The following STS variants were observed in gnomAD, a reference collection of about 807,000 sequenced individuals.
STS encodes the protein steryl-sulfatase.
In STS, 7 loss-of-function variants were observed where a neutral mutation model predicts 26.8. That is an observed-to-expected ratio of 0.26 (90% CI 0.15 to 0.49). The LOEUF is 0.49. STS is among the 20% of genes least tolerant of loss of function. The pLI, the probability that STS is intolerant of heterozygous loss-of-function variation, is 0.98. For synonymous variants in STS, 199 were observed against 189.4 expected (o/e 1.05, Z -0.42); for missense variants, 434 against 465.6 (o/e 0.93, Z 0.63).
chrX:7,177,313 C>T (rs1327561848), intron 1 of STS, among the ~76,000 whole-genome samples: 5 of 110,546 alleles, frequency 4.5e-5, no homozygotes, highest in African/African-American at 9.9e-5. Context: ...ATTAATAATG[C>T]GTAGCATTGT....
chrX:7,318,504 A>T (rs1446850623), intron 8 of STS, among the ~76,000 whole-genome samples: 1 of 111,751 alleles, frequency 8.9e-6, no homozygotes, highest in African/African-American at 3.3e-5. Flanking sequence ...AAAAAATTTT[A>T]AAACATTTTT....
At chrX:7,247,525 A>G (rs1347642837) in intron 2 of STS, among the ~76,000 whole-genome samples, 1 of 112,466 alleles carries the variant, frequency 8.9e-6, no homozygotes. Flanking sequence ...GAACAACTGT[A>G]TAGGATGTTG....
intron 1 of STS, among the ~76,000 whole-genome samples, chrX:7,153,579 A>C (rs1197040776): frequency 9.4e-5 from 5 of 53,109 alleles, no homozygotes; most frequent in Admixed American, 2.8e-4. Context: ...CTCCTCCGTG[A>C]CTCCCTCACT....
At chrX:7,206,396 C>G (rs1020325816) in intron 2 of STS, among the ~76,000 whole-genome samples, 1 of 112,164 alleles carries the variant, frequency 8.9e-6, no homozygotes, top group Non-Finnish European at 1.9e-5. Context: ...TTCCGCATGC[C>G]CAAAAGTTCT....
At chrX:7,152,410 C>T (rs186606342) in intron 1 of STS, among the ~76,000 whole-genome samples, 3 of 111,704 alleles carry the variant, frequency 2.7e-5, no homozygotes, top group Non-Finnish European at 3.8e-5. Flanking sequence ...CCCCTCCTTC[C>T]GGGTTCAAGC....
chrX:7,204,107 CTG>C (rs1934133486), intron 2 of STS, among the ~76,000 whole-genome samples: 1 of 111,963 alleles, frequency 8.9e-6, no homozygotes, highest in African/African-American at 3.3e-5. Context: ...CACATTTGTG[CTG>C]ATGTTGCCTT....
chrX:7,157,654 G>A (rs1569177451), intron 1 of STS, among the ~76,000 whole-genome samples: 1 of 111,337 alleles, frequency 9.0e-6, no homozygotes, highest in Non-Finnish European at 1.9e-5. Context: ...CAGGCACCAT[G>A]CCCTGGGACA....
intron 10 of STS, among the ~76,000 whole-genome samples, chrX:7,336,434 A>G (rs1469623380): frequency 2.7e-5 from 3 of 111,762 alleles, no homozygotes; most frequent in South Asian, 3.7e-4. Flanking sequence ...TAAAATTACA[A>G]CCTTTCTATT....
At chrX:7,333,313 T>C (rs1371474821) in intron 9 of STS, among the ~76,000 whole-genome samples, 1 of 112,362 alleles carries the variant, frequency 8.9e-6, no homozygotes, top group African/African-American at 3.2e-5. Context: ...AAACTATAAG[T>C]AATCTTATTT....
At chrX:7,322,948 C>T (rs1430590688) in intron 8 of STS, among the ~76,000 whole-genome samples, 1 of 112,145 alleles carries the variant, frequency 8.9e-6, no homozygotes, top group African/African-American at 3.2e-5. Context: ...CTAATTGCTT[C>T]ATAGGCACCA....
chrX:7,290,018 T>C (rs1925335301), intron 7 of STS, among the ~76,000 whole-genome samples: 1 of 111,968 alleles, frequency 8.9e-6, no homozygotes, highest in Non-Finnish European at 1.9e-5. Context: ...GTCTATGTTC[T>C]CCTTGTTTCT....
At chrX:7,159,515 G>C (rs1042168554) in intron 1 of STS, among the ~76,000 whole-genome samples, 6 of 112,195 alleles carry the variant, frequency 5.3e-5, no homozygotes, top group Non-Finnish European at 7.5e-5. Flanking sequence ...ATCACTGTTT[G>C]TCTGTCCCAC....
At chrX:7,299,401 T>C (rs1385231587) in intron 7 of STS, among the ~76,000 whole-genome samples, 1 of 102,016 alleles carries the variant, frequency 9.8e-6, no homozygotes, top group African/African-American at 3.5e-5. Context: ...ATAATATACG[T>C]ATAAAATATA....
At chrX:7,336,659 A>T in intron 10 of STS, among the ~76,000 whole-genome samples, 1 of 112,409 alleles carries the variant, frequency 8.9e-6, no homozygotes, top group Non-Finnish European at 1.9e-5. Context: ...TATAGCATCA[A>T]CTTCTGAGCT....
At chrX:7,189,591 A>T (rs939490521) in intron 1 of STS, among the ~76,000 whole-genome samples, 1 of 111,924 alleles carries the variant, frequency 8.9e-6, no homozygotes, top group Admixed American at 9.6e-5. Flanking sequence ...CCATTTAAAC[A>T]TGTAAACATT....
intron 7 of STS, among the ~76,000 whole-genome samples, chrX:7,282,992 C>A (rs1924948441): frequency 8.9e-6 from 1 of 112,074 alleles, no homozygotes; most frequent in South Asian, 3.7e-4. Context: ...TAGAAATCAA[C>A]CTTCATGTCT....
At chrX:7,220,282 C>A (rs750152660) in intron 2 of STS, among the ~76,000 whole-genome samples, 1 of 111,190 alleles carries the variant, frequency 9.0e-6, no homozygotes, top group Non-Finnish European at 1.9e-5. Context: ...GCAATATCCC[C>A]GACAGATGCG....
At chrX:7,217,205 G>A (rs1406562903) in intron 2 of STS, among the ~76,000 whole-genome samples, 1 of 111,235 alleles carries the variant, frequency 9.0e-6, no homozygotes, top group African/African-American at 3.3e-5. Flanking sequence ...TGAGGAGCCT[G>A]ATCCCTGATC....
At chrX:7,200,072 T>A (rs896723028) in intron 2 of STS, among the ~76,000 whole-genome samples, 14 of 101,940 alleles carry the variant, frequency 1.4e-4, no homozygotes, top group Admixed American at 2.1e-4. Flanking sequence ...TTTTTTTTTT[T>A]AATAATACTG....
Sources: gnomAD v4.1 joint callset for allele counts (sites outside exome capture counted in the v4.1 genomes callset) on GRCh38, gnomAD v4.1.1 for gene constraint, MANE v1.5 for transcripts, NCBI Gene and HGNC (gene_info 2026-07-23, HGNC 2026-07-21) for gene names.